Variants in CNIH3 observed in about 807,000 individuals in gnomAD.
The protein encoded by CNIH3 is protein cornichon homolog 3.
CNIH3 carries 14 observed loss-of-function variants against 24.1 expected under a neutral mutation model. That is an observed-to-expected ratio of 0.58 (90% CI 0.38 to 0.91). The LOEUF is 0.91. Ranked by LOEUF, CNIH3 falls within the 40% of genes least tolerant of loss-of-function variation. The pLI is 0.00. For synonymous variants in CNIH3, 68 were observed against 73.8 expected (o/e 0.92, Z 0.40); for missense variants, 178 against 196.8 (o/e 0.90, Z 0.57).
intron 1 of CNIH3, among the ~76,000 whole-genome samples, chr1:224,669,500 C>G (rs1409078301): frequency 6.6e-6 from 1 of 152,118 alleles, no homozygotes; most frequent in Non-Finnish European, 1.5e-5. Flanking sequence ...CCTGAGTCCT[C>G]AGAGGGGCTC....
At chr1:224,677,160 C>T (rs749192502) in intron 1 of CNIH3, among the ~76,000 whole-genome samples, 5 of 152,074 alleles carry the variant, frequency 3.3e-5, no homozygotes, top group African/African-American at 1.2e-4. Flanking sequence ...ATTATTGGTT[C>T]CATTTAATCC....
rs367805440 is a variant in CNIH3 at position 224,562,580 on chromosome 1, C to T, written n.451-3619C>T. Among the ~76,000 whole-genome samples the T allele has an allele frequency of 5.9e-5, 9 of 152,166 alleles. 1 individual carries two copies. The East Asian group carries it at 1.2e-3, about 20-fold the overall frequency. On this transcript the variant is annotated intron_variant and non_coding_transcript_variant, in intron 3 of 5. Transcript: ENST00000471578. ...AAATCTCATGTTGAAATTTGATCCCCAGTATTGGAAGATGGGGCGTAATGG... is the reference window on the plus strand; with the variant it reads ...AAATCTCATGTTGAAATTTGATCCCTAGTATTGGAAGATGGGGCGTAATGG...
At chr1:224,492,045 G>A (rs1027638209) in intron 1 of CNIH3, among the ~76,000 whole-genome samples, 1 of 152,228 alleles carries the variant, frequency 6.6e-6, no homozygotes, top group Non-Finnish European at 1.5e-5. Flanking sequence ...ATGAGCTGCT[G>A]TGCCTGGCCT....
At chr1:224,678,295 C>T (rs191556281) in intron 1 of CNIH3, among the ~76,000 whole-genome samples, 64 of 152,174 alleles carry the variant, frequency 4.2e-4, no homozygotes, top group Admixed American at 2.2e-3. Context: ...TTAATTAATT[C>T]GAATTCAGTA....
At chr1:224,710,907 C>T (rs1688102845) in intron 3 of CNIH3, among the ~76,000 whole-genome samples, 1 of 152,188 alleles carries the variant, frequency 6.6e-6, no homozygotes. Context: ...CTTCTTCCTG[C>T]ATAATGATAT....
At chr1:224,671,676 T>C (rs1685874780) in intron 1 of CNIH3, among the ~76,000 whole-genome samples, 1 of 152,220 alleles carries the variant, frequency 6.6e-6, no homozygotes, top group South Asian at 2.1e-4. Context: ...CAAAATCAAA[T>C]AAAACATGTG....
chr1:224,548,726 C>T (rs1312136101), intron 3 of CNIH3, among the ~76,000 whole-genome samples: 1 of 149,548 alleles, frequency 6.7e-6, no homozygotes, highest in Middle Eastern at 3.5e-3. Flanking sequence ...TTATTAGTAA[C>T]ATCTAAGGGA....
intron 2 of CNIH3, among the ~76,000 whole-genome samples, chr1:224,531,210 TG>T (rs1484815269): frequency 1.6e-4 from 24 of 152,322 alleles, no homozygotes; most frequent in Admixed American, 9.8e-4. Flanking sequence ...AAATACCTGC[TG>T]TATGCCAAAT....
chr1:224,522,500 G>A (rs1434182346), intron 2 of CNIH3, among the ~76,000 whole-genome samples: 3 of 152,218 alleles, frequency 2.0e-5, no homozygotes, highest in African/African-American at 7.2e-5. Context: ...AGAAGGTATT[G>A]CAGCGTGTCT....
In CNIH3 at chr1:224,578,573, A is replaced by G. The variant is rs547136129; in HGVS notation, n.517-4591A>G. Among the ~76,000 whole-genome samples the G allele has an allele frequency of 2.6e-5, 4 of 152,100 alleles. No homozygotes were observed. The East Asian group carries it at 5.8e-4, about 22-fold the overall frequency. On this transcript the variant is annotated intron_variant and non_coding_transcript_variant, in intron 4 of 5. Transcript: ENST00000471578. ...TCTCATTTTGGTGACTGGTACTATT[A>G]TTTGGTGTAGGTACTAGTACCTAGT...
chr1:224,459,500 T>C (rs542423048), intron 1 of CNIH3, among the ~76,000 whole-genome samples: 12 of 152,318 alleles, frequency 7.9e-5, no homozygotes, highest in African/African-American at 2.9e-4. Flanking sequence ...AAATAACAAC[T>C]TCTATCTTGG....
intron 1 of CNIH3, among the ~76,000 whole-genome samples, chr1:224,668,221 CAACTTTTAAGTTGTTTT>C (rs945498020): frequency 1.7e-4 from 26 of 152,228 alleles, no homozygotes; most frequent in Admixed American, 1.5e-3. Flanking sequence ...CGGTCACCTA[CAACTTTTAAGTTGTTTT>C]AACTTTTAAG....
intron 3 of CNIH3, among the ~76,000 whole-genome samples, chr1:224,728,594 C>T (rs150041363): frequency 6.6e-6 from 1 of 152,326 alleles, no homozygotes; most frequent in African/African-American, 2.4e-5. Context: ...AAATGTCTTA[C>T]ACGTGTGCTG....
chr1:224,591,068 T>C (rs12096245), downstream of CNIH3, among the ~76,000 whole-genome samples: 34,359 of 152,150 alleles, frequency 0.23, 4,223 homozygotes, highest in Admixed American at 0.33. Flanking sequence ...GGCTACCTGA[T>C]CTTACCTTTC....
chr1:224,637,789 T>C (rs1684167475), intron 1 of CNIH3, among the ~76,000 whole-genome samples: 1 of 152,138 alleles, frequency 6.6e-6, no homozygotes, highest in African/African-American at 2.4e-5. Context: ...GCTGTCTTCT[T>C]GGGTGGCCTC....
intron 1 of CNIH3, among the ~76,000 whole-genome samples, chr1:224,457,405 ACT>A (rs563733515): frequency 1.1e-4 from 17 of 150,106 alleles, no homozygotes; most frequent in African/African-American, 3.4e-4. Context: ...AGGAGGACTG[ACT>A]CTGCCTAGCC....
chr1:224,680,947 T>A lies in CNIH3; in HGVS notation c.82-11T>A. The A allele has an allele frequency of 6.2e-7, 1 of 1,609,678 alleles. No homozygotes were observed. Among genetic ancestry groups the A allele is most frequent in the Non-Finnish European group, 8.5e-7 (1 of 1,175,932 alleles). On this transcript the variant is annotated splice_polypyrimidine_tract_variant and intron_variant, in intron 1 of 5. Transcript: ENST00000272133. ...TGCACTAACACCTCAAATCTCTGTA[T>A]TCTGTTTCAGATAATTGCCTTTGAT...
At chr1:224,648,002 G>A (rs1021440042) in intron 1 of CNIH3, among the ~76,000 whole-genome samples, 5 of 152,184 alleles carry the variant, frequency 3.3e-5, no homozygotes, top group East Asian at 1.9e-4. Flanking sequence ...ATTCTGTTTC[G>A]GGCATGTTGA....
chr1:224,710,729 T>A (rs1406714124), intron 3 of CNIH3, among the ~76,000 whole-genome samples: 1 of 152,192 alleles, frequency 6.6e-6, no homozygotes, highest in Non-Finnish European at 1.5e-5. Context: ...TGATTTGAGA[T>A]CCTCATGCCA....
Sources: gnomAD v4.1 joint callset for allele counts (sites outside exome capture counted in the v4.1 genomes callset) on GRCh38, gnomAD v4.1.1 for gene constraint, MANE v1.5 for transcripts, NCBI Gene and HGNC (gene_info 2026-07-23, HGNC 2026-07-21) for gene names.